Variants in METTL6 observed in about 807,000 individuals in gnomAD.
METTL6 encodes tRNA N(3)-cytidine methyltransferase METTL6.
METTL6 carries 22 observed loss-of-function variants against 26.4 expected under a neutral mutation model. That is an observed-to-expected ratio of 0.83 (90% confidence interval 0.59 to 1.19). METTL6 has a LOEUF of 1.19. Ranked by LOEUF, METTL6 falls within the 50% of genes most tolerant of loss-of-function variation. The pLI is 0.00. For synonymous variants in METTL6, 109 were observed against 116.2 expected, an observed-to-expected ratio of 0.94 and a Z score of 0.40; for missense variants, 304 against 324.8, an observed-to-expected ratio of 0.94 and a Z score of 0.49.
At chr3:15,406,941 T>C (rs6764006), downstream of METTL6, among the ~76,000 whole-genome samples, 10,780 of 151,940 alleles carry the variant, frequency 0.071, 492 homozygotes, top group African/African-American at 0.12. Flanking sequence ...TTAATCTTAA[T>C]GTATCTTAAA....
chr3:15,406,536 T>C (rs1699788781), downstream of METTL6, among the ~76,000 whole-genome samples: 3 of 143,680 alleles, frequency 2.1e-5, no homozygotes, highest in South Asian at 6.7e-4. Context: ...GGCAGCTGCC[T>C]GGGCCCACTT....
At chr3:15,391,712 C>T (rs199653016) in intron 6 of METTL6, among the ~76,000 whole-genome samples, 1 of 141,646 alleles carries the variant, frequency 7.1e-6, no homozygotes, top group Admixed American at 7.5e-5. Flanking sequence ...TGTGTTCTCA[C>T]TGTTCAATTC....
chr3:15,414,502 C>A (rs764853728), intron 4 of METTL6: 2 of 326,996 alleles, frequency 6.1e-6, no homozygotes, highest in Non-Finnish European at 1.0e-5. Context: ...ATTATAGGTG[C>A]CCGCCACCAT....
intron 6 of METTL6, among the ~76,000 whole-genome samples, chr3:15,401,420 C>T (rs978110821): frequency 6.6e-6 from 1 of 151,564 alleles, no homozygotes; most frequent in African/African-American, 2.4e-5. Context: ...CTGATCCACC[C>T]ATCTCAGCCT....
rs1323896507 is a variant in METTL6 at position 15,426,026 on chromosome 3, C to T, written c.225+261G>A. Among the ~76,000 whole-genome samples, 7 of 152,224 alleles carry T rather than the reference C, an allele frequency of 4.6e-5. No individual in the cohort carries two copies. The South Asian group carries it at 6.2e-4, about 14-fold the overall frequency. ...CACAATCTCGGCTCACTGCTATCTC[C>T]GCCTCCCGGGTTCAAGCGATTCTCC... On this transcript the variant is annotated intron_variant, in intron 2 of 5. Coordinates refer to ENST00000383790, the MANE Select transcript of METTL6 (RefSeq NM_152396.4).
intron 4 of METTL6, chr3:15,414,977 G>A (rs1700133303): frequency 9.1e-7 from 1 of 1,096,532 alleles, no homozygotes; most frequent in African/African-American, 1.7e-5. Flanking sequence ...CCTCATTGAA[G>A]CACTTTCTTG....
At chr3:15,421,553 C>T (rs1575434987) in intron 3 of METTL6, among the ~76,000 whole-genome samples, 3 of 152,276 alleles carry the variant, frequency 2.0e-5, no homozygotes, top group Admixed American at 6.5e-5. Flanking sequence ...CCTCAAACTC[C>T]GGGCTCAAGT....
chr3:15,395,533 C>T (rs1279636011), intron 6 of METTL6, among the ~76,000 whole-genome samples: 7 of 151,594 alleles, frequency 4.6e-5, no homozygotes, highest in African/African-American at 1.7e-4. Context: ...TGAATTTGAT[C>T]CTGTCATTAT....
intron 6 of METTL6, among the ~76,000 whole-genome samples, chr3:15,401,789 A>C (rs1167679396): frequency 6.6e-6 from 1 of 152,150 alleles, no homozygotes; most frequent in Non-Finnish European, 1.5e-5. Context: ...TTAAGTGGGG[A>C]GAAACCCTTA....
rs1700097733 is a variant in METTL6 at position 15,414,310 on chromosome 3, T to A, written c.532-148A>T. 2.9e-5 allele frequency: 42 copies of A among 1,426,912 alleles called. No individual in the cohort carries two copies. The South Asian group carries it at 6.3e-4, about 21-fold the overall frequency. 88.4% of individuals were successfully genotyped at this position (1,426,912 alleles called of 1,614,324 possible). Reference sequence around the variant, plus strand: ...TACGGAACCAAAATGGCCTACTACTTAAAAAGATAGTAAGACCAGGCAGGG... The same window carrying A: ...TACGGAACCAAAATGGCCTACTACTAAAAAAGATAGTAAGACCAGGCAGGG... On this transcript the variant is annotated intron_variant, in intron 4 of 5. Coordinates refer to ENST00000383790, the MANE Select transcript of METTL6 (RefSeq NM_152396.4).
chr3:15,382,713 A>T (rs1193595925), exon 7 of METTL6: 1 of 151,628 alleles, frequency 6.6e-6, no homozygotes, highest in African/African-American at 2.4e-5. Context: ...CCTAGTTAGG[A>T]TCCTTCTGGA....
chr3:15,426,698 C>T, intron 1 of METTL6, 63 bp from the exon 2 acceptor site: 1 of 609,722 alleles, frequency 1.6e-6, no homozygotes. Flanking sequence ...AGGTTCAATT[C>T]ACCAAATGTT....
At chr3:15,425,654 T>C (rs2061700668) in intron 2 of METTL6, among the ~76,000 whole-genome samples, 2 of 152,238 alleles carry the variant, frequency 1.3e-5, no homozygotes, top group African/African-American at 2.4e-5. Context: ...ATGTTGACTA[T>C]TCACAGGCAC....
At chr3:15,402,323 C>G (rs1699669528) in intron 6 of METTL6, among the ~76,000 whole-genome samples, 1 of 152,062 alleles carries the variant, frequency 6.6e-6, no homozygotes, top group African/African-American at 2.4e-5. Flanking sequence ...TGGGGAGTGC[C>G]CATTAGTTGG....
intron 3 of METTL6, among the ~76,000 whole-genome samples, chr3:15,417,768 AG>A (rs1334492575): frequency 6.6e-6 from 1 of 152,234 alleles, no homozygotes; most frequent in Non-Finnish European, 1.5e-5. Context: ...TGTGTTTAGA[AG>A]AACTGGCTAC....
At chr3:15,393,814 T>C (rs567642644) in intron 6 of METTL6, among the ~76,000 whole-genome samples, 1 of 152,270 alleles carries the variant, frequency 6.6e-6, no homozygotes, top group Non-Finnish European at 1.5e-5. Context: ...GATTTGCATA[T>C]GTTGAACCAG....
At position 15,427,516 on chromosome 3, in the gene METTL6, G is replaced by C. The variant is rs1036449833; in HGVS notation, c.-239C>G. ...ATTATCCGGGAGTTCTTTTGCCATG[G>C]CACCGCCCCCGCCACTTCCGCTAGG... On this transcript the variant is annotated 5_prime_UTR_variant, in exon 1 of 6. Transcript: ENST00000383790. The C allele has an allele frequency of 2.7e-5, 14 of 524,590 alleles. No individual in the cohort carries two copies. The highest frequency in any genetic ancestry group is 4.8e-5 in the Non-Finnish European group (14 of 292,370). The allele number at this position is 524,590 out of a possible 1,614,324, so 32.5% of individuals were successfully genotyped here.
chr3:15,421,698 T>A (rs2061614754), intron 3 of METTL6, among the ~76,000 whole-genome samples: 1 of 152,030 alleles, frequency 6.6e-6, no homozygotes, highest in Non-Finnish European at 1.5e-5. Context: ...TCACCTGAGG[T>A]CAGGAGTTCA....
At position 15,410,323 on chromosome 3, in the gene METTL6, ATTTT is replaced by A. The variant is rs1009471970; in HGVS notation, c.*929_*932del. 2.0e-5 allele frequency among the ~76,000 whole-genome samples: 3 copies of A among 151,806 alleles called. No homozygotes were observed. Among genetic ancestry groups the A allele is most frequent in the Non-Finnish European group, 4.4e-5 (3 of 67,916 alleles). ...AAGTTATGTGAATGTGATCTTTCAA[ATTTT>A]TTTTGTTTTTTTTGAGACAGACTTT... is the stretch of plus-strand genomic sequence containing the variant. On this transcript the variant is annotated 3_prime_UTR_variant, in exon 6 of 6. Transcript: ENST00000383790.
Sources: gnomAD v4.1 joint callset for allele counts (sites outside exome capture counted in the v4.1 genomes callset) on GRCh38, gnomAD v4.1.1 for gene constraint, MANE v1.5 for transcripts, NCBI Gene and HGNC (gene_info 2026-07-23, HGNC 2026-07-21) for gene names.